WT1: variants seen among roughly 807,000 people sequenced by gnomAD.
WT1 encodes the protein Wilms tumor protein.
Under a neutral mutation model 60.8 loss-of-function variants are expected in WT1, and 8 were observed. The observed-to-expected ratio is 0.13, with a 90% confidence interval of 0.08 to 0.24. The LOEUF (loss-of-function observed/expected upper bound fraction) is 0.24. Ranked by LOEUF, WT1 falls within the 10% of genes least tolerant of loss-of-function variation. WT1 has a pLI of 1.00. For synonymous variants in WT1, 312 were observed against 297.1 expected (o/e 1.05, Z -0.52); for missense variants, 568 against 711.8 (o/e 0.80, Z 2.30).
intron 5 of WT1, among the ~76,000 whole-genome samples, chr11:32,407,036 T>C (rs1219368392): frequency 1.3e-5 from 2 of 151,866 alleles, no homozygotes; most frequent in African/African-American, 2.4e-5. Flanking sequence ...GAGGCAGAGT[T>C]TGCAGTGAGC....
At chr11:32,428,731 C>A in intron 1 of WT1, 112 bp from the exon 2 acceptor site, 7 of 1,504,932 alleles carry the variant, frequency 4.7e-6, no homozygotes, top group Non-Finnish European at 6.2e-6. Context: ...CGCATTCGGA[C>A]CCCCAGCGGA....
intron 4 of WT1, 138 bp from the exon 5 acceptor site, chr11:32,416,678 C>T (rs1281966929): frequency 9.1e-7 from 1 of 1,103,590 alleles, no homozygotes; most frequent in Non-Finnish European, 1.4e-6. Flanking sequence ...TGAACTAAGT[C>T]CCCAGTCCCA....
At position 32,434,969 on chromosome 11, in the gene WT1, G is replaced by A. The variant is rs1443423967; in HGVS notation, c.392C>T (p.Pro131Leu). The stretch of plus-strand genomic sequence containing the variant: ...CGGCGGCGGGGGTGGCGGCGGAGCC[G>A]GTGGCGGCGCGGGGCCGCCCAACGA... The change falls in exon 1 of 10, where the codon CCG becomes CTG. Residue 131 changes from proline to leucine, a missense_variant. Coordinates refer to ENST00000452863, the MANE Select transcript of WT1 (RefSeq NM_024426.6). 1 of 1,539,630 alleles carries A rather than the reference G, an allele frequency of 6.5e-7. No homozygotes were observed. The highest frequency in any genetic ancestry group is 1.4e-5 in the African/African-American group (1 of 73,132).
chr11:32,423,248 G>A (rs1214694164), intron 3 of WT1, among the ~76,000 whole-genome samples: 1 of 152,232 alleles, frequency 6.6e-6, no homozygotes, highest in Non-Finnish European at 1.5e-5. Flanking sequence ...TTCTTTCTGG[G>A]TCTGGATGGA....
At position 32,389,187 on chromosome 11, in the gene WT1, C is replaced by T. The variant is rs1264326514; in HGVS notation, c.1448-8G>A. The T allele has an allele frequency of 6.2e-7, 1 of 1,614,032 alleles. No individual in the cohort carries two copies. The highest frequency in any genetic ancestry group is 8.5e-7 in the Non-Finnish European group (1 of 1,179,936). On this transcript the variant is annotated splice_region_variant and splice_polypyrimidine_tract_variant and intron_variant, in intron 9 of 9. Coordinates refer to ENST00000452863, the MANE Select transcript of WT1 (RefSeq NM_024426.6). Reference sequence around the variant, plus strand: ...AGCTGAAGGGCTTTTCACCTGTTGACACAATTGCCAGTCAGAGACACTTGC... The same window carrying T: ...AGCTGAAGGGCTTTTCACCTGTTGATACAATTGCCAGTCAGAGACACTTGC...
At position 32,430,903 on chromosome 11, in the gene WT1, G is replaced by C. The variant is rs141264661; in HGVS notation, c.662-2284C>G. On this transcript the variant is annotated intron_variant, in intron 1 of 9. Coordinates refer to ENST00000452863, the MANE Select transcript of WT1 (RefSeq NM_024426.6). ...GCGCTGTCCCTGGGCCCAGCGCTTG[G>C]CCTGGCGCGGAGAGTGCGGGGGCAG... 1,436 of 1,121,110 alleles carry C rather than the reference G, an allele frequency of 1.3e-3. 2 individuals carry two copies. Among genetic ancestry groups the C allele is most frequent in the Non-Finnish European group, 1.5e-3 (1,348 of 911,620 alleles). The allele number at this position is 1,121,110 out of a possible 1,614,324, so 69.4% of individuals were successfully genotyped here. A position where few individuals can be genotyped will look rare whatever the true frequency, so the allele number is the denominator to read the frequency against.
chr11:32,419,189 C>A (rs2133042792), intron 3 of WT1, among the ~76,000 whole-genome samples: 1 of 152,258 alleles, frequency 6.6e-6, no homozygotes, highest in East Asian at 1.9e-4. Context: ...TGAAGGACCC[C>A]AACTTTTATT....
intron 3 of WT1, among the ~76,000 whole-genome samples, chr11:32,418,885 G>A (rs1178624688): frequency 6.6e-6 from 1 of 152,168 alleles, no homozygotes; most frequent in African/African-American, 2.4e-5. Flanking sequence ...TTAGTGGTGG[G>A]TACACAGGAT....
At chr11:32,429,141 A>ATG (rs1853174857) in intron 1 of WT1, 4 of 250,592 alleles carry the variant, frequency 1.6e-5, no homozygotes, top group Admixed American at 9.9e-5. Context: ...GGGAAGAGTA[A>ATG]TTACCGAGTA....
At chr11:32,407,687 C>G (rs549817848) in intron 5 of WT1, among the ~76,000 whole-genome samples, 26 of 152,238 alleles carry the variant, frequency 1.7e-4, no homozygotes, top group African/African-American at 5.8e-4. Flanking sequence ...AGGGCTCATA[C>G]GTGAGATGCT....
At chr11:32,430,988 C>T (rs1280542796) in intron 1 of WT1, among the ~76,000 whole-genome samples, 2 of 152,142 alleles carry the variant, frequency 1.3e-5, no homozygotes, top group African/African-American at 4.8e-5. Context: ...GCTCCTTGTA[C>T]AGGCCTTGGA....
chr11:32,430,859 A>C, intron 1 of WT1: 1 of 1,229,550 alleles, frequency 8.1e-7, no homozygotes, highest in Non-Finnish European at 1.0e-6. Context: ...AGCTTATCGG[A>C]CACGGGTTTG....
intron 5 of WT1, among the ~76,000 whole-genome samples, chr11:32,407,491 C>G (rs1475295912): frequency 1.3e-5 from 2 of 152,152 alleles, no homozygotes; most frequent in Admixed American, 6.5e-5. Context: ...GAATTTCGGC[C>G]TGTCATTTCT....
chr11:32,428,824 T>G (rs1322624822), intron 1 of WT1: 2 of 712,806 alleles, frequency 2.8e-6, no homozygotes, highest in African/African-American at 1.8e-5. Flanking sequence ...GACAGGCTTC[T>G]CCATCCTTTT....
chr11:32,416,627 CCCT>C, intron 4 of WT1, 87 bp from the exon 5 acceptor site: 1 of 1,496,348 alleles, frequency 6.7e-7, no homozygotes, highest in Non-Finnish European at 9.3e-7. Flanking sequence ...AGTGAAAAGC[CCCT>C]CAATACACAG....
intron 1 of WT1, among the ~76,000 whole-genome samples, chr11:32,430,022 C>A (rs895523362): frequency 6.7e-6 from 1 of 149,242 alleles, no homozygotes; most frequent in African/African-American, 2.5e-5. Context: ...TTCTCTGGGG[C>A]AACAGAGGCA....
chr11:32,429,464 C>CG (rs1204827094), intron 1 of WT1, among the ~76,000 whole-genome samples: 2 of 26,790 alleles, frequency 7.5e-5, no homozygotes, highest in Non-Finnish European at 1.4e-4. Context: ...CCTAGCATTC[C>CG]CCCCCCCCCC....
In WT1 at chr11:32,435,380, CG is replaced by C; in HGVS notation, c.-21del. The stretch of plus-strand genomic sequence containing the variant: ...GTCCAGGATCGCGGCGAGGAGACGG[CG>C]GGGCCCGGGCGCCTGGGCTGCCGTC... On this transcript the variant is annotated 5_prime_UTR_variant, in exon 1 of 10. Transcript: ENST00000452863. The C allele has an allele frequency of 8.1e-7, 1 of 1,240,340 alleles. No homozygotes were observed. The highest frequency in any genetic ancestry group is 1.0e-6 in the Non-Finnish European group (1 of 967,112). The allele number at this position is 1,240,340 out of a possible 1,614,324, so 76.8% of individuals were successfully genotyped here.
chr11:32,400,016 G>C lies in WT1; in HGVS notation c.1045C>G (p.His349Asp). 6.2e-7 allele frequency: 1 copy of C among 1,614,224 alleles called. No individual in the cohort carries two copies. The highest frequency in any genetic ancestry group is 8.5e-7 in the Non-Finnish European group (1 of 1,180,042). The change falls in exon 6 of 10, where the codon CAC (histidine) becomes GAC (aspartate). Residue 349 changes from histidine (H) to aspartate (D), a missense_variant. His to Asp is a moderately conservative substitution (Grantham distance 81). Coordinates refer to ENST00000452863, the MANE Select transcript of WT1 (RefSeq NM_024426.6). The stretch of plus-strand genomic sequence containing the variant: ...GCTCCGCAGAGGATGGGCGTTGTGT[G>C]GTTATCGCTCTCGTACCCTGTGCTG...
Sources: gnomAD v4.1 joint callset for allele counts (sites outside exome capture counted in the v4.1 genomes callset) on GRCh38, gnomAD v4.1.1 for gene constraint, MANE v1.5 for transcripts, NCBI Gene and HGNC (gene_info 2026-07-23, HGNC 2026-07-21) for gene names.